The following CSMD1 variants were observed in gnomAD, a reference collection of about 807,000 sequenced individuals.
CSMD1 encodes CUB and sushi domain-containing protein 1.
CSMD1 carries 213 observed loss-of-function variants against 417.5 expected under a neutral mutation model. That is an observed-to-expected ratio of 0.51 (90% CI 0.46 to 0.57). The LOEUF (loss-of-function observed/expected upper bound fraction) is 0.57. CSMD1 is among the 20% of genes least tolerant of loss of function. The probability of loss-of-function intolerance (pLI) is 0.00; values close to 1 mark genes in which losing one functional copy is unlikely to be tolerated. For synonymous variants in CSMD1, 2,862 were observed against 1,736.8 expected (o/e 1.65, Z -16.11); for missense variants, 6,923 against 4,529.7 (o/e 1.53, Z -15.17).
At chr8:3,552,490 C>T (rs1030799304) in intron 10 of CSMD1, among the ~76,000 whole-genome samples, 2 of 152,152 alleles carry the variant, frequency 1.3e-5, no homozygotes, top group African/African-American at 4.8e-5. Flanking sequence ...AACTGCCTTT[C>T]TATCTCAGAA....
intron 1 of CSMD1, among the ~76,000 whole-genome samples, chr8:4,770,453 T>G (rs1280375984): frequency 2.0e-5 from 3 of 151,124 alleles, no homozygotes; most frequent in Admixed American, 2.0e-4. Flanking sequence ...TCACAGAATT[T>G]TTTTTTTAAT....
intron 5 of CSMD1, among the ~76,000 whole-genome samples, chr8:3,888,868 T>G (rs1401941612): frequency 1.3e-5 from 2 of 152,182 alleles, no homozygotes; most frequent in Non-Finnish European, 2.9e-5. Flanking sequence ...ATTCTATTTC[T>G]GTGACTTCAA....
intron 3 of CSMD1, among the ~76,000 whole-genome samples, chr8:4,199,437 G>C (rs938422284): frequency 2.0e-5 from 3 of 152,172 alleles, no homozygotes; most frequent in Non-Finnish European, 4.4e-5. Flanking sequence ...AGTCATGTAA[G>C]TCTATTGCAT....
intron 5 of CSMD1, among the ~76,000 whole-genome samples, chr8:3,809,141 C>T (rs1800918069): frequency 6.6e-6 from 1 of 152,162 alleles, no homozygotes. Flanking sequence ...ATATCTTCCT[C>T]TTTCCCCTTC....
intron 7 of CSMD1, among the ~76,000 whole-genome samples, chr8:3,643,238 C>T (rs1797394487): frequency 6.6e-6 from 1 of 151,482 alleles, no homozygotes; most frequent in Admixed American, 6.6e-5. Context: ...GGTGAAACAG[C>T]AGAACAAAGA....
At chr8:3,758,777 C>G (rs145155455) in intron 5 of CSMD1, among the ~76,000 whole-genome samples, 1 of 152,276 alleles carries the variant, frequency 6.6e-6, no homozygotes, top group African/African-American at 2.4e-5. Flanking sequence ...CAATGTGTCA[C>G]CTGACATGGC....
At chr8:4,226,081 C>T (rs1304495973) in intron 3 of CSMD1, among the ~76,000 whole-genome samples, 2 of 148,950 alleles carry the variant, frequency 1.3e-5, no homozygotes, top group African/African-American at 5.2e-5. Context: ...CACACACACA[C>T]ACACACACAC....
At chr8:2,963,511 T>A (rs571629417) in intron 59 of CSMD1, 116 bp from the exon 60 acceptor site, 52 of 937,006 alleles carry the variant, frequency 5.5e-5, no homozygotes, top group African/African-American at 5.2e-4. Flanking sequence ...CATAGGTTTT[T>A]AAAAAAAAAT....
chr8:3,562,342 G>C (rs375528355), intron 10 of CSMD1, among the ~76,000 whole-genome samples: 5 of 87,384 alleles, frequency 5.7e-5, no homozygotes, highest in Non-Finnish European at 1.2e-4. Context: ...CTGCATCTTG[G>C]TCAGTATTGC....
At chr8:4,319,290 C>T (rs1033294518) in intron 3 of CSMD1, among the ~76,000 whole-genome samples, 5 of 152,046 alleles carry the variant, frequency 3.3e-5, no homozygotes, top group South Asian at 2.1e-4. Flanking sequence ...CCTTTCCTTG[C>T]TTTTAAACAG....
rs528642091 is a variant in CSMD1, at chr8:3,791,651, C to G, written c.819-37609G>C. Among the ~76,000 whole-genome samples the G allele has an allele frequency of 2.6e-5, 4 of 152,178 alleles. No homozygotes were observed. The East Asian group carries it at 7.8e-4, about 30-fold the overall frequency. ...CCAGCCTGGTCAGCATGGCAAAAAC[C>G]CATCTCTAGAAAAGCACAAAAATTA... On this transcript the variant is annotated intron_variant, in intron 5 of 69. Transcript: ENST00000635120.
intron 4 of CSMD1, among the ~76,000 whole-genome samples, chr8:4,015,196 T>C (rs1341722131): frequency 6.6e-6 from 1 of 152,238 alleles, no homozygotes; most frequent in African/African-American, 2.4e-5. Context: ...TTTGTATTTC[T>C]TGTCCTGACG....
At chr8:3,765,554 C>G (rs960557434) in intron 5 of CSMD1, among the ~76,000 whole-genome samples, 5 of 152,198 alleles carry the variant, frequency 3.3e-5, no homozygotes, top group Non-Finnish European at 7.3e-5. Context: ...TCTGTATGCA[C>G]TAAAGCCTTA....
At chr8:4,149,596 G>A (rs934059471) in intron 3 of CSMD1, among the ~76,000 whole-genome samples, 89 of 152,280 alleles carry the variant, frequency 5.8e-4, no homozygotes, top group African/African-American at 2.0e-3. Flanking sequence ...TGCTAAAAGG[G>A]AAATAAACAA....
intron 2 of CSMD1, among the ~76,000 whole-genome samples, chr8:4,423,874 C>T (rs1400335058): frequency 6.6e-6 from 1 of 151,896 alleles, no homozygotes; most frequent in Admixed American, 6.6e-5. Flanking sequence ...GACATAAACC[C>T]GTATGTCAAT....
intron 3 of CSMD1, among the ~76,000 whole-genome samples, chr8:4,188,769 T>G (rs1194351843): frequency 6.7e-6 from 1 of 150,130 alleles, no homozygotes; most frequent in Non-Finnish European, 1.5e-5. Flanking sequence ...AGATTTTTAG[T>G]AGGAAAGAAG....
chr8:3,539,618 A>G (rs1433214992), intron 10 of CSMD1, among the ~76,000 whole-genome samples: 1 of 151,958 alleles, frequency 6.6e-6, no homozygotes, highest in African/African-American at 2.4e-5. Flanking sequence ...GCCCCTCTAA[A>G]TCCCAGCAAG....
At chr8:3,308,581 G>A in intron 23 of CSMD1, 78 bp from the exon 24 acceptor site, 1 of 1,180,840 alleles carries the variant, frequency 8.5e-7, no homozygotes, top group East Asian at 2.5e-5. Context: ...AACAAACAAG[G>A]TTGCTAAATG....
chr8:2,938,390 G>C lies in CSMD1; in HGVS notation c.*195C>G, dbSNP rs563595924. The C allele has an allele frequency of 5.5e-5, 28 of 508,982 alleles. No individual in the cohort carries two copies. The East Asian group carries it at 7.0e-4, about 13-fold the overall frequency. The allele number at this position is 508,982 out of a possible 1,614,324, so 31.5% of individuals were successfully genotyped here. On this transcript the variant is annotated 3_prime_UTR_variant, in exon 70 of 70. Transcript: ENST00000635120. ...TAGAACCCACTTTTGGAATGAAAACGCATGTGTAGTTTGATCCGTAGAAGA... is the reference window on the plus strand; with the variant it reads ...TAGAACCCACTTTTGGAATGAAAACCCATGTGTAGTTTGATCCGTAGAAGA...
Sources: allele counts gnomAD v4.1 joint callset (sites outside exome capture counted in the v4.1 genomes callset), GRCh38; gene constraint gnomAD v4.1.1; transcripts MANE v1.5; gene names NCBI Gene and HGNC (gene_info 2026-07-23, HGNC 2026-07-21).